The following PROSER3 variants were observed in gnomAD, a reference collection of about 807,000 sequenced individuals.
PROSER3 encodes proline and serine rich 3.
PROSER3 carries 33 observed loss-of-function variants against 50.2 expected under a neutral mutation model. That is an observed-to-expected ratio of 0.66 (90% CI 0.50 to 0.88). The LOEUF is 0.88. Among genes scored for constraint, PROSER3 ranks in the 40% least tolerant of loss-of-function variants. The pLI, the probability that PROSER3 is intolerant of heterozygous loss-of-function variation, is 0.00. For synonymous variants in PROSER3, 266 were observed against 259.3 expected, an observed-to-expected ratio of 1.03 and a Z score of -0.25; for missense variants, 623 against 612.7, an observed-to-expected ratio of 1.02 and a Z score of -0.18.
At chr19:35,768,183 T>C in exon 10 of PROSER3, 1 of 1,613,638 alleles carries the variant, frequency 6.2e-7, no homozygotes, top group Non-Finnish European at 8.5e-7. Context: ...TCCAGGACGA[T>C]CCCGTGCTGC....
At chr19:35,762,546 TAAA>T (rs3043403) in intron 5 of PROSER3, 190 bp downstream of exon 5, 3,374 of 246,262 alleles carry the variant, frequency 0.014, no homozygotes, top group South Asian at 0.021. Flanking sequence ...CTGCCTCTAC[TAAA>T]AAAAAAAAAA....
chr19:35,758,206 G>A, exon 1 of PROSER3: 1 of 1,561,124 alleles, frequency 6.4e-7, no homozygotes, highest in Non-Finnish European at 8.7e-7. Context: ...AGCGCGGAGG[G>A]AGCCGCGGGA....
intron 2 of PROSER3, 79 bp downstream of exon 2, chr19:35,759,549 A>T: frequency 7.6e-7 from 1 of 1,323,952 alleles, no homozygotes. Flanking sequence ...AAGACATGTG[A>T]TGAGAGATAG....
exon 10 of PROSER3, chr19:35,768,179 A>G (rs747296040): frequency 6.2e-7 from 1 of 1,613,508 alleles, no homozygotes; most frequent in Non-Finnish European, 8.5e-7. Flanking sequence ...GAGTTCCAGG[A>G]CGATCCCGTG....
At chr19:35,760,480 G>GTTTTGT (rs1050579611) in intron 3 of PROSER3, among the ~76,000 whole-genome samples, 3 of 151,992 alleles carry the variant, frequency 2.0e-5, no homozygotes, top group African/African-American at 4.8e-5. Context: ...GTTTTGTTTT[G>GTTTTGT]TTTTGTTTTT....
At chr19:35,769,034 C>T (rs1171386706) in exon 11 of PROSER3, 2 of 152,874 alleles carry the variant, frequency 1.3e-5, no homozygotes. Context: ...AGTCACTAGC[C>T]CAGCATGTCA....
intron 5 of PROSER3, among the ~76,000 whole-genome samples, chr19:35,763,374 T>C (rs185180399): frequency 1.4e-3 from 207 of 150,668 alleles, no homozygotes; most frequent in Non-Finnish European, 2.0e-3. Context: ...GCTAATTTTT[T>C]TGTATTTTTT....
In PROSER3 at chr19:35,768,344, A is replaced by G. The variant is rs532736370; in HGVS notation, c.1302-60A>G. The G allele has an allele frequency of 3.8e-6, 6 of 1,581,690 alleles. No homozygotes were observed. The South Asian group carries it at 6.7e-5, about 18-fold the overall frequency. The stretch of plus-strand genomic sequence containing the variant: ...TCCCCTGTCCCAGCAGTCCGTCCAC[A>G]GCCCCAGATTCTAAGCCTGAGCACA... On this transcript the variant is annotated intron_variant, in intron 10 of 10. Coordinates refer to ENST00000396908, the Ensembl canonical transcript of PROSER3.
At chr19:35,765,073 C>T (rs754425345) in exon 7 of PROSER3, 7 of 1,613,932 alleles carry the variant, frequency 4.3e-6, no homozygotes, top group Non-Finnish European at 4.2e-6. Context: ...TCAGCCCCAG[C>T]GATGCCAGCA....
chr19:35,765,784 C>T (rs921727555), intron 7 of PROSER3, among the ~76,000 whole-genome samples: 1 of 152,062 alleles, frequency 6.6e-6, no homozygotes, highest in African/African-American at 2.4e-5. Flanking sequence ...ATCCCCCCAC[C>T]GCCTTCGCTT....
chr19:35,765,916 G>A (rs1387029118), intron 7 of PROSER3, among the ~76,000 whole-genome samples: 2 of 152,166 alleles, frequency 1.3e-5, no homozygotes, highest in South Asian at 2.1e-4. Flanking sequence ...TGCACCGTGC[G>A]ATACATGAAG....
chr19:35,763,114 A>G (rs1397142317), intron 5 of PROSER3: 3 of 152,094 alleles, frequency 2.0e-5, no homozygotes, highest in Non-Finnish European at 4.4e-5. Context: ...AATGTAATTG[A>G]GAAATCCAAA....
At chr19:35,768,706 C>T in exon 11 of PROSER3, 4 of 773,138 alleles carry the variant, frequency 5.2e-6, no homozygotes, top group Non-Finnish European at 7.5e-6. Context: ...CCCTGCCCCC[C>T]ACCCCTTCCT....
chr19:35,766,022 A>G (rs1354999296), intron 7 of PROSER3, among the ~76,000 whole-genome samples: 3 of 152,146 alleles, frequency 2.0e-5, no homozygotes, highest in Non-Finnish European at 4.4e-5. Context: ...GTTCTTAAGT[A>G]CGAGAGGCCT....
At chr19:35,762,543 T>G in intron 5 of PROSER3, 187 bp downstream of exon 5, 1 of 343,300 alleles carries the variant, frequency 2.9e-6, no homozygotes, top group South Asian at 6.1e-5. Flanking sequence ...ATTCTGCCTC[T>G]ACTAAAAAAA....
chr19:35,763,896 T>C (rs1294458871), intron 5 of PROSER3, among the ~76,000 whole-genome samples: 1 of 151,442 alleles, frequency 6.6e-6, no homozygotes, highest in African/African-American at 2.4e-5. Context: ...TTGAACTCTT[T>C]GCAACCTTCG....
chr19:35,768,424 C>T, exon 11 of PROSER3: 8 of 1,597,258 alleles, frequency 5.0e-6, no homozygotes, highest in South Asian at 1.1e-5. Context: ...GCCCGATTAT[C>T]GTTCCTGTTG....
exon 3 of PROSER3, chr19:35,759,791 C>G (rs1425676312): frequency 3.8e-6 from 6 of 1,558,880 alleles, no homozygotes; most frequent in Non-Finnish European, 4.3e-6. Flanking sequence ...GATCTTAGAC[C>G]CTGAGCCCAT....
chr19:35,768,135 T>A lies in PROSER3; in HGVS notation c.1220-20T>A. 1 of 1,610,984 alleles carries A rather than the reference T, an allele frequency of 6.2e-7. No homozygotes were observed. Among genetic ancestry groups the A allele is most frequent in the Non-Finnish European group, 8.5e-7 (1 of 1,178,382 alleles). ...TAAGAGGCCGGCCCCTTGGAGCTCA[T>A]TCTTTTCTCCCCGGCCCAGACTCCG... On this transcript the variant is annotated intron_variant, in intron 9 of 10. Transcript: ENST00000396908.
Sources: allele counts gnomAD v4.1 joint callset (sites outside exome capture counted in the v4.1 genomes callset), GRCh38; gene constraint gnomAD v4.1.1; transcripts MANE v1.5; gene names NCBI Gene and HGNC (gene_info 2026-07-23, HGNC 2026-07-21).